NLRP5: variants seen among roughly 807,000 people sequenced by gnomAD.
NLRP5 encodes NACHT, LRR and PYD domains-containing protein 5.
NLRP5 carries 93 observed loss-of-function variants against 113.1 expected under a neutral mutation model. The observed-to-expected ratio is 0.82, with a 90% CI of 0.70 to 0.98. The LOEUF (loss-of-function observed/expected upper bound fraction) is 0.98. Among genes scored for constraint, NLRP5 ranks in the 50% least tolerant of loss-of-function variants. The pLI is 0.00. For missense variants in NLRP5, 1,808 were observed against 1,514.3 expected (o/e 1.19, Z -3.22); for synonymous variants, 751 against 600.7 (o/e 1.25, Z -3.66).
Position 56,015,758 on chromosome 19 carries a change from G to GCAA in NLRP5, c.529_531dup (p.Gln177dup). ...CTTTTGCAGGAATTTCACAAGCTGT[G>GCAA]CAACAAGATAGTGCCACAGCTGCAG... On this transcript the variant is annotated inframe_insertion, in exon 4 of 15. Transcript: ENST00000390649. The GCAA allele has an allele frequency of 6.4e-7, 1 of 1,571,846 alleles. No individual in the cohort carries two copies. The highest frequency in any genetic ancestry group is 1.2e-5 in the South Asian group (1 of 84,982).
At chr19:56,008,287 C>A (rs544426293) in intron 2 of NLRP5, among the ~76,000 whole-genome samples, 75 of 152,030 alleles carry the variant, frequency 4.9e-4, no homozygotes, top group African/African-American at 1.7e-3. Context: ...TGGGTGATCC[C>A]CAAGTTTCTG....
In NLRP5 at chr19:56,007,897, G is replaced by GCA. The variant is rs1204955410; in HGVS notation, c.443-890_443-889insAC. Among the ~76,000 whole-genome samples, 8 of 58,244 alleles carry GCA rather than the reference G, an allele frequency of 1.4e-4. 2 individuals carry two copies. The highest frequency in any genetic ancestry group is 3.5e-4 in the African/African-American group (7 of 20,134). 38.2% of individuals were successfully genotyped at this position (58,244 alleles called of 152,430 possible). Reference sequence around the variant, plus strand: ...TGTGTGTGTGTGTGTGTGCGCGTGCGCGCGTGCGTGTGTGTGTGTGTGTGT... The same window carrying GCA: ...TGTGTGTGTGTGTGTGTGCGCGTGCGCACGCGTGCGTGTGTGTGTGTGTGTGT... On this transcript the variant is annotated intron_variant, in intron 2 of 14. Transcript: ENST00000390649.
chr19:56,023,517 G>A (rs1291222094), intron 6 of NLRP5, among the ~76,000 whole-genome samples: 1 of 152,226 alleles, frequency 6.6e-6, no homozygotes, highest in Non-Finnish European at 1.5e-5. Flanking sequence ...TTTGCTACAT[G>A]CTGAGCGGTG....
chr19:55,995,296 C>T (rs1010726725), upstream of NLRP5, among the ~76,000 whole-genome samples: 3 of 152,092 alleles, frequency 2.0e-5, no homozygotes, highest in Admixed American at 1.3e-4. Context: ...CAACATGGCA[C>T]ATGTATACCT....
At chr19:56,057,952 C>G (rs1471653366) in intron 13 of NLRP5, among the ~76,000 whole-genome samples, 1 of 150,580 alleles carries the variant, frequency 6.6e-6, no homozygotes, top group Non-Finnish European at 1.5e-5. Context: ...GCTTGAATCC[C>G]AGAGGTAGAA....
the NLRP5 span, among the ~76,000 whole-genome samples, chr19:55,990,646 G>A: frequency 6.6e-6 from 1 of 152,060 alleles, no homozygotes; most frequent in Non-Finnish European, 1.5e-5. Context: ...CTAACACGGT[G>A]AAACCCCGTC....
the NLRP5 span, among the ~76,000 whole-genome samples, chr19:55,991,891 G>T: frequency 6.6e-5 from 10 of 152,072 alleles, no homozygotes; most frequent in African/African-American, 2.4e-4. Flanking sequence ...TTTTAGTTTT[G>T]GGGGTACATG....
chr19:56,024,213 A>G (rs1021282278), intron 6 of NLRP5, among the ~76,000 whole-genome samples: 1 of 151,552 alleles, frequency 6.6e-6, no homozygotes, highest in Non-Finnish European at 1.5e-5. Context: ...TTAAATCTTT[A>G]TCAGGTGGGC....
At chr19:56,051,013 AAG>A (rs1446963291) in intron 12 of NLRP5, among the ~76,000 whole-genome samples, 2 of 152,182 alleles carry the variant, frequency 1.3e-5, no homozygotes, top group Non-Finnish European at 1.5e-5. Context: ...GAAAAAGTAA[AAG>A]AGCTCAGTGA....
chr19:56,002,284 G>C (rs1981684027), intron 1 of NLRP5, among the ~76,000 whole-genome samples: 1 of 152,040 alleles, frequency 6.6e-6, no homozygotes, highest in African/African-American at 2.4e-5. Flanking sequence ...ATATTATCTA[G>C]ATATAAATCC....
intron 5 of NLRP5, among the ~76,000 whole-genome samples, chr19:56,019,983 C>A: frequency 6.6e-6 from 1 of 151,620 alleles, no homozygotes; most frequent in South Asian, 2.1e-4. Flanking sequence ...ATTACAGGCA[C>A]CTGCCACTGT....
chr19:56,002,858 T>C (rs1981709544), intron 1 of NLRP5, among the ~76,000 whole-genome samples: 4 of 152,150 alleles, frequency 2.6e-5, no homozygotes, highest in African/African-American at 9.7e-5. Context: ...CTTAATCCAG[T>C]CTATTGCTGT....
At chr19:56,053,911 G>A in intron 13 of NLRP5, 103 bp downstream of exon 13, 1 of 1,079,102 alleles carries the variant, frequency 9.3e-7, no homozygotes. Context: ...GTTTCCATGA[G>A]TCCCTCAAGT....
chr19:55,988,800 T>G, the NLRP5 span, among the ~76,000 whole-genome samples: 1 of 152,150 alleles, frequency 6.6e-6, no homozygotes, highest in Non-Finnish European at 1.5e-5. Context: ...AAATTCGTTC[T>G]TTCTCAAATA....
chr19:56,000,366 T>C (rs1568479396), intron 1 of NLRP5, among the ~76,000 whole-genome samples: 1 of 152,002 alleles, frequency 6.6e-6, no homozygotes, highest in Non-Finnish European at 1.5e-5. Context: ...CTCATGTTTT[T>C]TTTTGTTTGT....
chr19:56,017,401 T>G (rs892785830), intron 4 of NLRP5, among the ~76,000 whole-genome samples: 1 of 152,084 alleles, frequency 6.6e-6, no homozygotes, highest in African/African-American at 2.4e-5. Context: ...TTTCAGATCT[T>G]TCTTAGGCAT....
chr19:56,001,425 A>G (rs573031519), intron 1 of NLRP5, among the ~76,000 whole-genome samples: 1 of 107,428 alleles, frequency 9.3e-6, no homozygotes, highest in African/African-American at 3.4e-5. Context: ...TCCTTTAAAT[A>G]TTTTCTTCTG....
intron 11 of NLRP5, among the ~76,000 whole-genome samples, chr19:56,048,739 C>G (rs1983816734): frequency 6.6e-6 from 1 of 151,930 alleles, no homozygotes; most frequent in African/African-American, 2.4e-5. Flanking sequence ...GTTCTTTGTG[C>G]TTCTTGTATT....
At chr19:56,001,910 A>G (rs566594300) in intron 1 of NLRP5, among the ~76,000 whole-genome samples, 4 of 151,562 alleles carry the variant, frequency 2.6e-5, no homozygotes, top group African/African-American at 9.7e-5. Flanking sequence ...GTGGGGGGAA[A>G]GGAGATTTGC....
Sources: allele counts gnomAD v4.1 joint callset (sites outside exome capture counted in the v4.1 genomes callset), GRCh38; gene constraint gnomAD v4.1.1; transcripts MANE v1.5; gene names NCBI Gene and HGNC (gene_info 2026-07-23, HGNC 2026-07-21).